The following NDUFAF6 variants were observed in gnomAD, a reference collection of about 807,000 sequenced individuals.
NDUFAF6 encodes the protein NADH:ubiquinone oxidoreductase complex assembly factor 6, also known as NADH dehydrogenase (ubiquinone) complex I, assembly factor 6.
In NDUFAF6, 45 loss-of-function variants were observed where a neutral mutation model predicts 40.8. The ratio of observed to expected loss-of-function variants is 1.10; its 90% CI spans 0.87 to 1.42. The LOEUF (loss-of-function observed/expected upper bound fraction) is 1.42, where lower values mean the gene tolerates loss of function less well. NDUFAF6 is among the 40% of genes most tolerant of loss of function. The probability of loss-of-function intolerance (pLI) is 0.00; values close to 1 mark genes in which losing one functional copy is unlikely to be tolerated. For synonymous variants in NDUFAF6, 185 were observed against 155.9 expected, an observed-to-expected ratio of 1.19 and a Z score of -1.39; for missense variants, 435 against 418.5, an observed-to-expected ratio of 1.04 and a Z score of -0.34.
intron 3 of NDUFAF6, among the ~76,000 whole-genome samples, chr8:95,039,284 C>T (rs1829880419): frequency 6.6e-6 from 1 of 151,918 alleles, no homozygotes. Flanking sequence ...GAAACCCCGT[C>T]TCTACTAAAA....
At chr8:94,980,161 G>A (rs1825301203) in intron 1 of NDUFAF6, among the ~76,000 whole-genome samples, 1 of 150,538 alleles carries the variant, frequency 6.6e-6, no homozygotes, top group African/African-American at 2.4e-5. Context: ...TACATGGTGA[G>A]ATAAATGCTT....
chr8:95,056,051 C>G (rs960369761), intron 8 of NDUFAF6, among the ~76,000 whole-genome samples: 4 of 152,056 alleles, frequency 2.6e-5, no homozygotes, highest in African/African-American at 9.7e-5. Context: ...TGTTTTTGAG[C>G]TTTATAAAAA....
intron 1 of NDUFAF6, among the ~76,000 whole-genome samples, chr8:94,961,755 C>T (rs1563751199): frequency 6.6e-6 from 1 of 152,182 alleles, no homozygotes; most frequent in Non-Finnish European, 1.5e-5. Context: ...ATTTTATAGA[C>T]AGAAAACTAA....
At chr8:95,075,964 G>T in exon 10 of NDUFAF6, 1 of 296,794 alleles carries the variant, frequency 3.4e-6, no homozygotes. Flanking sequence ...CCAGAAGGCT[G>T]GTGGGGTGGA....
At chr8:95,105,462 A>G (rs138284742), downstream of NDUFAF6, among the ~76,000 whole-genome samples, 37 of 151,810 alleles carry the variant, frequency 2.4e-4, no homozygotes, top group Middle Eastern at 3.4e-3. Flanking sequence ...TGGACTCCAG[A>G]GATCCTCCCA....
intron 2 of NDUFAF6, among the ~76,000 whole-genome samples, chr8:94,989,534 G>C (rs1207797483): frequency 6.6e-6 from 1 of 152,138 alleles, no homozygotes; most frequent in African/African-American, 2.4e-5. Flanking sequence ...CTAGTACAAT[G>C]CCTGACTCAA....
At chr8:95,022,987 A>C (rs1312902399), upstream of NDUFAF6, among the ~76,000 whole-genome samples, 1 of 152,166 alleles carries the variant, frequency 6.6e-6, no homozygotes, top group African/African-American at 2.4e-5. Context: ...CGCAGGAGTG[A>C]CATTGGGTTT....
intron 8 of NDUFAF6, among the ~76,000 whole-genome samples, chr8:95,053,307 A>C (rs1419900333): frequency 2.6e-5 from 4 of 152,220 alleles, no homozygotes; most frequent in Non-Finnish European, 5.9e-5. Flanking sequence ...CATCTTTCTG[A>C]ACCTTTCATA....
chr8:95,113,539 C>G (rs11990635), intron 4 of NDUFAF6, among the ~76,000 whole-genome samples: 1 of 152,170 alleles, frequency 6.6e-6, no homozygotes, highest in Non-Finnish European at 1.5e-5. Context: ...GAGAACTTGG[C>G]GGGATTTCTT....
intron 3 of NDUFAF6, among the ~76,000 whole-genome samples, chr8:95,037,484 G>A (rs776566610): frequency 4.6e-5 from 7 of 152,182 alleles, no homozygotes; most frequent in Non-Finnish European, 8.8e-5. Context: ...TAAAACAAGA[G>A]CATGAGTCTG....
chr8:95,086,603 CTTT>C (rs140726768), intron 2 of NDUFAF6, among the ~76,000 whole-genome samples: 28,793 of 135,922 alleles, frequency 0.21, 5,657 homozygotes, highest in African/African-American at 0.53. Flanking sequence ...CTTTTCTTTT[CTTT>C]TTTTTTTTTT....
intron 2 of NDUFAF6, among the ~76,000 whole-genome samples, chr8:94,996,522 T>G (rs1191650782): frequency 6.6e-6 from 1 of 152,210 alleles, no homozygotes; most frequent in East Asian, 1.9e-4. Context: ...GCCTCTTATC[T>G]AAATAGAATT....
chr8:95,110,996 G>A (rs1206915872), intron 4 of NDUFAF6, among the ~76,000 whole-genome samples: 1 of 152,212 alleles, frequency 6.6e-6, no homozygotes, highest in African/African-American at 2.4e-5. Context: ...CCCCTCCTTG[G>A]AGGTGAAGCC....
At chr8:95,056,277 G>A (rs1460739590) in intron 8 of NDUFAF6, among the ~76,000 whole-genome samples, 1 of 150,530 alleles carries the variant, frequency 6.6e-6, no homozygotes, top group Admixed American at 6.6e-5. Flanking sequence ...AGGCTAGAGT[G>A]CAGGCTCACT....
At chr8:94,924,455 A>AT (rs1443083771) in intron 1 of NDUFAF6, among the ~76,000 whole-genome samples, 2 of 152,156 alleles carry the variant, frequency 1.3e-5, no homozygotes, top group Non-Finnish European at 2.9e-5. Context: ...AGGTTTTTCA[A>AT]TTTTGCATTT....
upstream of NDUFAF6, among the ~76,000 whole-genome samples, chr8:95,021,845 G>A (rs1827703906): frequency 6.6e-6 from 1 of 152,118 alleles, no homozygotes; most frequent in Non-Finnish European, 1.5e-5. Context: ...TTGTAGCCAA[G>A]TCAAACAAAA....
chr8:95,074,959 T>C (rs2599705), intron 9 of NDUFAF6, among the ~76,000 whole-genome samples: 88,407 of 151,982 alleles, frequency 0.58, 26,004 homozygotes, highest in East Asian at 0.8. Context: ...CAGGAATGAT[T>C]ATCAGGCAGC....
chr8:94,966,275 G>C (rs1239033503), intron 1 of NDUFAF6, among the ~76,000 whole-genome samples: 1 of 152,170 alleles, frequency 6.6e-6, no homozygotes, highest in Non-Finnish European at 1.5e-5. Flanking sequence ...TATCAGTCAG[G>C]TTGATGTTAA....
chr8:94,971,070 C>T (rs1013329707), intron 1 of NDUFAF6, among the ~76,000 whole-genome samples: 4 of 152,158 alleles, frequency 2.6e-5, no homozygotes, highest in Admixed American at 2.0e-4. Context: ...ATCTATGATC[C>T]GAAAAACTAT....
Sources: gnomAD v4.1 joint callset for allele counts (sites outside exome capture counted in the v4.1 genomes callset) on GRCh38, gnomAD v4.1.1 for gene constraint, MANE v1.5 for transcripts, NCBI Gene and HGNC (gene_info 2026-07-23, HGNC 2026-07-21) for gene names.